KIAA1549L: variants seen among roughly 807,000 people sequenced by gnomAD.
The protein encoded by KIAA1549L is UPF0606 protein KIAA1549L.
A neutral mutation model predicts 160.7 loss-of-function variants in KIAA1549L; 88 were observed. That is an observed-to-expected ratio of 0.55 (90% CI 0.46 to 0.65). The LOEUF is 0.65. Among genes scored for constraint, KIAA1549L ranks in the 30% least tolerant of loss-of-function variants. The pLI, the probability that KIAA1549L is intolerant of heterozygous loss-of-function variation, is 0.00. For missense variants in KIAA1549L, 2,258 were observed against 2,437.5 expected (o/e 0.93, Z 1.55); for synonymous variants, 950 against 976.7 (o/e 0.97, Z 0.51).
At chr11:33,608,303 A>G (rs183706717) in intron 14 of KIAA1549L, among the ~76,000 whole-genome samples, 2 of 152,392 alleles carry the variant, frequency 1.3e-5, no homozygotes, top group East Asian at 3.9e-4. Context: ...TTTGATGATG[A>G]TGATAATGAT....
At chr11:33,545,402 G>A (rs1854216196) in intron 3 of KIAA1549L, 24 bp downstream of exon 3, 1 of 1,583,108 alleles carries the variant, frequency 6.3e-7, no homozygotes, top group Non-Finnish European at 8.6e-7. Context: ...GTTCTGATCT[G>A]AAAGCAGCAA....
intron 9 of KIAA1549L, among the ~76,000 whole-genome samples, chr11:33,570,481 G>C (rs1855215725): frequency 6.6e-6 from 1 of 152,082 alleles, no homozygotes; most frequent in South Asian, 2.1e-4. Context: ...TTGAAACTGA[G>C]AGAAACTATT....
At chr11:33,497,717 G>T (rs184899476) in intron 1 of KIAA1549L, among the ~76,000 whole-genome samples, 2 of 152,278 alleles carry the variant, frequency 1.3e-5, no homozygotes, top group Admixed American at 1.3e-4. Context: ...AAACAAGGCA[G>T]TATTCTATCA....
At chr11:33,625,319 C>T (rs1268855868) in intron 16 of KIAA1549L, among the ~76,000 whole-genome samples, 4 of 152,078 alleles carry the variant, frequency 2.6e-5, no homozygotes, top group Non-Finnish European at 4.4e-5. Context: ...TTCTATATCC[C>T]TGAGGAATCG....
chr11:33,542,327 C>T lies in KIAA1549L; in HGVS notation c.764C>T (p.Ser255Leu). The part of the protein sequence containing the change: ...LPPSSSLAPD[S>L]PHSIISEPAE... ...CCATCCTCTTCATTGGCTCCTGACT[C>T]ACCTCATTCCATCATCTCTGAGCCA... Residue 255 changes from serine (S) to leucine (L), a missense_variant, in exon 2 of 21, where the codon TCA becomes TTA. This residue lies in a region of KIAA1549L where 540 missense variants were observed against 465.7 expected (regional missense o/e 1.16). Coordinates refer to ENST00000658780, the MANE Select transcript of KIAA1549L (RefSeq NM_012194.3). 1.4e-6 allele frequency: 1 copy of T among 700,558 alleles called. No homozygotes were observed. The allele number at this position is 700,558 out of a possible 1,614,324, so 43.4% of individuals were successfully genotyped here.
intron 1 of KIAA1549L, among the ~76,000 whole-genome samples, chr11:33,427,399 T>C (rs1220361638): frequency 2.6e-5 from 4 of 152,078 alleles, no homozygotes; most frequent in Admixed American, 1.3e-4. Context: ...TGCCAGCAGT[T>C]CCCCCTGCTC....
chr11:33,435,788 A>ATGTG (rs1291028468), intron 1 of KIAA1549L, among the ~76,000 whole-genome samples: 389 of 26,516 alleles, frequency 0.015, 53 homozygotes, highest in Non-Finnish European at 0.022. Flanking sequence ...ATATATATAT[A>ATGTG]TATATATATA....
chr11:33,495,449 C>T (rs913665710), intron 1 of KIAA1549L, among the ~76,000 whole-genome samples: 2 of 152,050 alleles, frequency 1.3e-5, no homozygotes, highest in Non-Finnish European at 2.9e-5. Flanking sequence ...CTACAAAGGA[C>T]ATGAACTCAT....
Position 33,668,135 on chromosome 11 carries a change from T to C in KIAA1549L, c.6422T>C (p.Met2141Thr), listed in dbSNP as rs763709724. The C allele has an allele frequency of 3.7e-6, 6 of 1,613,702 alleles. No individual in the cohort carries two copies. The highest frequency in any genetic ancestry group is 5.1e-6 in the Non-Finnish European group (6 of 1,179,806). The change falls in exon 21 of 21, where the codon ATG becomes ACG. Residue 2141 changes from methionine (M) to threonine (T), a missense_variant. Met to Thr is a moderately conservative substitution (Grantham distance 81). Coordinates refer to ENST00000658780, the MANE Select transcript of KIAA1549L (RefSeq NM_012194.3). ...AAGCTGGCCAAAAAACAGACAGACA[T>C]GTTTGAGTTCCAGGTCTAACGCCTT... is the stretch of plus-strand genomic sequence containing the variant. ...VAKLAKKQTDMFEFQV is the reference protein window; with the variant it reads ...VAKLAKKQTDTFEFQV
chr11:33,497,890 C>T (rs144909187), intron 1 of KIAA1549L, among the ~76,000 whole-genome samples: 17 of 152,290 alleles, frequency 1.1e-4, no homozygotes, highest in African/African-American at 3.9e-4. Context: ...ATTTGAGCTA[C>T]GGTGCCATTC....
chr11:33,384,509 T>G (rs954999422), intron 1 of KIAA1549L, among the ~76,000 whole-genome samples: 1 of 152,138 alleles, frequency 6.6e-6, no homozygotes, highest in Non-Finnish European at 1.5e-5. Context: ...TATAAGAAAC[T>G]GCCAAACTGT....
intron 1 of KIAA1549L, among the ~76,000 whole-genome samples, chr11:33,533,428 T>C (rs893950020): frequency 1.3e-5 from 2 of 152,170 alleles, no homozygotes; most frequent in African/African-American, 2.4e-5. Context: ...TCTTAATTCC[T>C]TTTATGTTTC....
chr11:33,609,480 T>TA (rs1850590359), intron 14 of KIAA1549L, among the ~76,000 whole-genome samples: 2 of 152,224 alleles, frequency 1.3e-5, no homozygotes, highest in South Asian at 4.2e-4. Context: ...GAGTCAGGCC[T>TA]AGGCCTGAAC....
At chr11:33,614,313 G>T (rs769578102) in intron 15 of KIAA1549L, among the ~76,000 whole-genome samples, 29 of 151,546 alleles carry the variant, frequency 1.9e-4, no homozygotes, top group Non-Finnish European at 4.0e-4. Context: ...AAAGCAGCCA[G>T]TGCAGAGGCC....
intron 20 of KIAA1549L, among the ~76,000 whole-genome samples, chr11:33,666,837 C>T (rs1852472895): frequency 1.3e-5 from 2 of 152,214 alleles, no homozygotes; most frequent in South Asian, 4.1e-4. Context: ...AGCTTGTCGC[C>T]TTAGACCGTG....
At chr11:33,396,022 T>G (rs1182067043) in intron 1 of KIAA1549L, among the ~76,000 whole-genome samples, 1 of 152,112 alleles carries the variant, frequency 6.6e-6, no homozygotes, top group Non-Finnish European at 1.5e-5. Flanking sequence ...ATTGGTTGTA[T>G]TTTTTTCTTT....
chr11:33,567,954 C>T, intron 8 of KIAA1549L, 122 bp from the exon 9 acceptor site: 1 of 992,732 alleles, frequency 1.0e-6, no homozygotes, highest in Non-Finnish European at 1.4e-6. Flanking sequence ...GTTGGCCAAG[C>T]CCTAACATGA....
chr11:33,574,592 A>T, intron 9 of KIAA1549L, 110 bp from the exon 10 acceptor site: 1 of 998,910 alleles, frequency 1.0e-6, no homozygotes. Flanking sequence ...GTTGGCGTCT[A>T]GCCACAGAAG....
At chr11:33,577,620 G>C (rs780373490) in intron 10 of KIAA1549L, among the ~76,000 whole-genome samples, 1 of 152,176 alleles carries the variant, frequency 6.6e-6, no homozygotes, top group Non-Finnish European at 1.5e-5. Flanking sequence ...CTGCTCTCTT[G>C]GGTATAATGA....
Sources: gnomAD v4.1 joint callset for allele counts (sites outside exome capture counted in the v4.1 genomes callset) on GRCh38, gnomAD v4.1.1 for gene constraint, gnomAD v4.1.1 regional missense constraint, MANE v1.5 for transcripts, NCBI Gene and HGNC (gene_info 2026-07-23, HGNC 2026-07-21) for gene names.